The following LRRC9 variants were observed in gnomAD, a reference collection of about 807,000 sequenced individuals.
LRRC9 encodes the protein leucine rich repeat containing 9.
Under a neutral mutation model 63.2 loss-of-function variants are expected in LRRC9, and 122 were observed. The observed-to-expected ratio is 1.93, with a 90% CI of 1.67 to 2.24. The LOEUF (loss-of-function observed/expected upper bound fraction) is 2.24. Ranked by LOEUF, LRRC9 falls within the 30% of genes most tolerant of loss-of-function variation. The pLI is 0.00. For synonymous variants in LRRC9, 366 were observed against 213.1 expected, an observed-to-expected ratio of 1.72 and a Z score of -6.25; for missense variants, 1,071 against 627.7, an observed-to-expected ratio of 1.71 and a Z score of -7.55.
rs1408148084 is a variant in LRRC9 at position 60,043,170 on chromosome 14, T to C, written c.3991-9895T>C. On this transcript the variant is annotated intron_variant, in intron 29 of 31. Coordinates refer to ENST00000445360, the Ensembl canonical transcript of LRRC9. ...GTATTCTGCAACTTAACTGAATTCATTTATTAGCTCTTAACAGTTTTTTGG... is the reference window on the plus strand; with the variant it reads ...GTATTCTGCAACTTAACTGAATTCACTTATTAGCTCTTAACAGTTTTTTGG... Among the ~76,000 whole-genome samples the C allele has an allele frequency of 3.9e-5, 6 of 152,342 alleles. No homozygotes were observed. In the East Asian group the frequency reaches 1.2e-3, roughly 29 times the overall value.
exon 16 of LRRC9, chr14:59,982,036 G>C (rs1047504428): frequency 4.3e-6 from 3 of 701,944 alleles, no homozygotes; most frequent in South Asian, 1.5e-5. Flanking sequence ...CCCTTGCAAA[G>C]ACTAGCGTTT....
chr14:59,961,106 C>G, intron 10 of LRRC9, 61 bp downstream of exon 10: 1 of 511,154 alleles, frequency 2.0e-6, no homozygotes, highest in South Asian at 3.1e-5. Context: ...GGATCATCAA[C>G]CAGAATATCA....
At chr14:59,996,438 A>G (rs1888798534) in intron 17 of LRRC9, among the ~76,000 whole-genome samples, 1 of 152,230 alleles carries the variant, frequency 6.6e-6, no homozygotes, top group Non-Finnish European at 1.5e-5. Flanking sequence ...CTTATAAAGG[A>G]ATGACTAATT....
intron 8 of LRRC9, among the ~76,000 whole-genome samples, chr14:59,955,389 G>A (rs1173612138): frequency 6.6e-6 from 1 of 152,094 alleles, no homozygotes; most frequent in Non-Finnish European, 1.5e-5. Flanking sequence ...TATGTGTCCA[G>A]GAATTTTTCC....
At chr14:60,014,978 A>G (rs986984085) in intron 23 of LRRC9, among the ~76,000 whole-genome samples, 3 of 151,726 alleles carry the variant, frequency 2.0e-5, no homozygotes, top group African/African-American at 7.3e-5. Context: ...TTATGGGTCT[A>G]TTTTCTCTCT....
At chr14:59,931,511 G>T (rs1889699450) in intron 4 of LRRC9, 108 bp from the exon 5 acceptor site, 2 of 555,098 alleles carry the variant, frequency 3.6e-6, no homozygotes, top group Non-Finnish European at 6.3e-6. Flanking sequence ...GGAGTACAAA[G>T]TACCCTGTGC....
At chr14:59,947,210 G>A (rs1190534770) in intron 8 of LRRC9, among the ~76,000 whole-genome samples, 1 of 151,212 alleles carries the variant, frequency 6.6e-6, no homozygotes, top group African/African-American at 2.4e-5. Flanking sequence ...TAACTGGTGT[G>A]AGATGATATC....
intron 19 of LRRC9, among the ~76,000 whole-genome samples, chr14:60,000,761 A>G (rs1399393770): frequency 6.6e-6 from 1 of 152,182 alleles, no homozygotes; most frequent in East Asian, 1.9e-4. Context: ...AAATAATTGG[A>G]CATGTCTACA....
chr14:59,942,965 T>TTG lies in LRRC9; in HGVS notation c.727-1612_727-1611dup, dbSNP rs937593093. Among the ~76,000 whole-genome samples the TTG allele has an allele frequency of 6.6e-6, 1 of 151,960 alleles. No homozygotes were observed. Among genetic ancestry groups the TTG allele is most frequent in the African/African-American group, 2.4e-5 (1 of 41,390 alleles). On this transcript the variant is annotated intron_variant, in intron 7 of 31. Coordinates refer to ENST00000445360, the Ensembl canonical transcript of LRRC9. This position sits in a 1 kb window ranked among gnomAD's most constrained non-coding sequence, Gnocchi z 5.3. ...TTTGCCCACCTTTTGGTTGGATTATTTGTGTGTGTGTGTTTCATTTGTGTG... is the reference window on the plus strand; with the variant it reads ...TTTGCCCACCTTTTGGTTGGATTATTTGTGTGTGTGTGTGTTTCATTTGTGTG...
At chr14:59,946,344 T>G (rs1287690997) in intron 8 of LRRC9, among the ~76,000 whole-genome samples, 1 of 150,952 alleles carries the variant, frequency 6.6e-6, no homozygotes, top group African/African-American at 2.4e-5. Flanking sequence ...TCCATAAAAA[T>G]CACAAGAGAT....
chr14:60,017,145 A>C lies in LRRC9; in HGVS notation c.3317+355A>C, dbSNP rs900305619. ...TGGTTCACCTGCCTCAGTCTCCCAA[A>C]GTGTTGGGATTTCAGGTGTGAGCCA... On this transcript the variant is annotated intron_variant, in intron 24 of 31. Transcript: ENST00000445360. This position sits in a 1 kb window ranked among gnomAD's most constrained non-coding sequence, Gnocchi z 4.0. 6.6e-6 allele frequency among the ~76,000 whole-genome samples: 1 copy of C among 152,028 alleles called. No individual in the cohort carries two copies. The highest frequency in any genetic ancestry group is 6.6e-5 in the Admixed American group (1 of 15,230).
At chr14:59,973,337 C>A (rs1301025811) in intron 12 of LRRC9, 1 of 151,998 alleles carries the variant, frequency 6.6e-6, no homozygotes, top group Non-Finnish European at 1.5e-5. Context: ...TACACTGTAG[C>A]CTTACAATGC....
intron 29 of LRRC9, among the ~76,000 whole-genome samples, chr14:60,039,253 C>T (rs1008696753): frequency 6.6e-6 from 1 of 152,186 alleles, no homozygotes; most frequent in South Asian, 2.1e-4. Context: ...GCCAGGCTTT[C>T]GTATCGGGAT....
In LRRC9 at chr14:59,966,703, G is replaced by C; in HGVS notation, c.1326G>C (p.Leu442=). 1 of 691,910 alleles carries C rather than the reference G, an allele frequency of 1.4e-6. No individual in the cohort carries two copies. Among genetic ancestry groups the C allele is most frequent in the Non-Finnish European group, 2.6e-6 (1 of 379,582 alleles). The allele number at this position is 691,910 out of a possible 1,614,324, so 42.9% of individuals were successfully genotyped here. ...TCATTAAAGTTAACAACCGTATTCTGAGACTAAAATTCGAAGAGAAATTTC... is the reference window on the plus strand; with the variant it reads ...TCATTAAAGTTAACAACCGTATTCTCAGACTAAAATTCGAAGAGAAATTTC... The change falls in exon 11 of 32, where the codon CTG becomes CTC. Residue 442 remains leucine, a synonymous_variant. Transcript: ENST00000445360. This position sits in a 1 kb window ranked among gnomAD's most constrained non-coding sequence, Gnocchi z 4.0.
intron 7 of LRRC9, among the ~76,000 whole-genome samples, chr14:59,939,104 CACAT>C (rs1881472145): frequency 1.6e-5 from 2 of 126,014 alleles, no homozygotes; most frequent in South Asian, 5.7e-4. Context: ...TATATATACA[CACAT>C]ATATATACAT....
At chr14:60,019,158 T>A (rs1181358056) in exon 26 of LRRC9, 1 of 699,498 alleles carries the variant, frequency 1.4e-6, no homozygotes, top group Non-Finnish European at 2.6e-6. Context: ...GAATCAATCA[T>A]GCCCAGACTA....
chr14:60,012,457 G>T (rs1387645217), intron 23 of LRRC9, among the ~76,000 whole-genome samples: 1 of 152,126 alleles, frequency 6.6e-6, no homozygotes. Flanking sequence ...ATTTGTAAAA[G>T]ATTATTTTTT....
chr14:60,064,312 C>G (rs2140484924), downstream of LRRC9, among the ~76,000 whole-genome samples: 1 of 152,220 alleles, frequency 6.6e-6, no homozygotes, highest in Admixed American at 6.5e-5. Context: ...TAAATGAGCT[C>G]CATCATTCAT....
intron 31 of LRRC9, chr14:60,062,094 A>T: frequency 2.5e-6 from 1 of 398,840 alleles, no homozygotes; most frequent in Non-Finnish European, 4.4e-6. Context: ...ACTCAGAGGG[A>T]TAAGTATCTC....
Sources: allele counts gnomAD v4.1 joint callset (sites outside exome capture counted in the v4.1 genomes callset), GRCh38; gene constraint gnomAD v4.1.1; non-coding constraint Gnocchi (gnomAD v3.1); transcripts MANE v1.5; gene names NCBI Gene and HGNC (gene_info 2026-07-23, HGNC 2026-07-21).